The following RUNX2 variants were observed in gnomAD, a reference collection of about 807,000 sequenced individuals.
The protein encoded by RUNX2 is runt-related transcription factor 2.
In RUNX2, 10 loss-of-function variants were observed where a neutral mutation model predicts 51.7. The observed-to-expected ratio is 0.19, with a 90% confidence interval of 0.12 to 0.33. The LOEUF (loss-of-function observed/expected upper bound fraction) is 0.33. Among genes scored for constraint, RUNX2 ranks in the 10% least tolerant of loss-of-function variants. The pLI is 1.00. For synonymous variants in RUNX2, 276 were observed against 273.6 expected (o/e 1.01, Z -0.09); for missense variants, 562 against 691.3 (o/e 0.81, Z 2.10).
intron 5 of RUNX2, among the ~76,000 whole-genome samples, chr6:45,458,691 A>T (rs1457465384): frequency 6.6e-6 from 1 of 152,262 alleles, no homozygotes. Context: ...TCTTCCAGTT[A>T]GCTGAATGGA....
At chr6:45,415,109 A>G (rs1041280549) in intron 2 of RUNX2, among the ~76,000 whole-genome samples, 7 of 152,184 alleles carry the variant, frequency 4.6e-5, no homozygotes, top group Non-Finnish European at 8.8e-5. Context: ...GGAAACCACT[A>G]TGAATAGGCA....
At chr6:45,504,211 T>C (rs1800887819) in intron 6 of RUNX2, among the ~76,000 whole-genome samples, 1 of 152,160 alleles carries the variant, frequency 6.6e-6, no homozygotes, top group South Asian at 2.1e-4. Flanking sequence ...GGCGCTGCAT[T>C]GTCAGCTACC....
chr6:45,526,764 A>G (rs1272062954), intron 7 of RUNX2, among the ~76,000 whole-genome samples: 1 of 152,202 alleles, frequency 6.6e-6, no homozygotes, highest in Non-Finnish European at 1.5e-5. Context: ...GTCTAAATTC[A>G]GGCTTCTTTA....
intron 5 of RUNX2, among the ~76,000 whole-genome samples, chr6:45,447,115 C>A (rs1799023776): frequency 1.3e-5 from 2 of 152,178 alleles, no homozygotes; most frequent in Non-Finnish European, 2.9e-5. Context: ...GACATAGAAT[C>A]ATTTTTTGGG....
intron 5 of RUNX2, among the ~76,000 whole-genome samples, chr6:45,481,435 A>G (rs577078539): frequency 6.6e-6 from 1 of 152,376 alleles, no homozygotes; most frequent in Admixed American, 6.5e-5. Context: ...ATGTGTGAAC[A>G]TGTTACAGAA....
chr6:45,439,184 G>A (rs1429154080), intron 5 of RUNX2, among the ~76,000 whole-genome samples: 2 of 152,132 alleles, frequency 1.3e-5, no homozygotes, highest in East Asian at 3.9e-4. Flanking sequence ...CCTGAACTAG[G>A]GAGGTTTCCT....
intron 6 of RUNX2, among the ~76,000 whole-genome samples, chr6:45,506,669 T>C (rs1441102468): frequency 2.6e-5 from 4 of 152,222 alleles, no homozygotes. Context: ...GTTGTTGTTG[T>C]TGTTGAGACA....
intron 3 of RUNX2, among the ~76,000 whole-genome samples, chr6:45,429,284 G>C (rs1403776020): frequency 6.6e-6 from 1 of 152,046 alleles, no homozygotes; most frequent in African/African-American, 2.4e-5. Flanking sequence ...TGCTTACTGG[G>C]TCCATATTTA....
At chr6:45,379,947 C>A (rs936611664) in intron 2 of RUNX2, among the ~76,000 whole-genome samples, 1 of 151,910 alleles carries the variant, frequency 6.6e-6, no homozygotes, top group Non-Finnish European at 1.5e-5. Context: ...GGCATTGATA[C>A]AGGAAGTTTA....
chr6:45,488,276 C>G (rs1800343492), intron 5 of RUNX2, among the ~76,000 whole-genome samples: 1 of 152,130 alleles, frequency 6.6e-6, no homozygotes, highest in African/African-American at 2.4e-5. Flanking sequence ...GCTTAGGAAA[C>G]TGAGTGGCTA....
chr6:45,400,121 G>GGGAGGGAAGGAA (rs1797678141), intron 2 of RUNX2, among the ~76,000 whole-genome samples: 3 of 131,502 alleles, frequency 2.3e-5, no homozygotes, highest in South Asian at 2.7e-4. Context: ...GAAAGGAGGA[G>GGGAGGGAAGGAA]GGAGGGAAGG....
chr6:45,451,428 C>A (rs991779434), intron 5 of RUNX2, among the ~76,000 whole-genome samples: 1 of 152,200 alleles, frequency 6.6e-6, no homozygotes, highest in African/African-American at 2.4e-5. Flanking sequence ...CAATGAGAAG[C>A]AATCCCGAAG....
intron 2 of RUNX2, among the ~76,000 whole-genome samples, chr6:45,375,311 T>A (rs1796628762): frequency 6.6e-6 from 1 of 152,236 alleles, no homozygotes; most frequent in African/African-American, 2.4e-5. Flanking sequence ...TATGATGTGG[T>A]CCCAATTCGA....
At chr6:45,367,523 C>T (rs757542526) in intron 2 of RUNX2, among the ~76,000 whole-genome samples, 1 of 151,988 alleles carries the variant, frequency 6.6e-6, no homozygotes, top group African/African-American at 2.4e-5. Context: ...CCTAAATAGT[C>T]CTGCAGAATT....
intron 5 of RUNX2, among the ~76,000 whole-genome samples, chr6:45,466,485 G>A (rs1304372542): frequency 6.6e-6 from 1 of 152,176 alleles, no homozygotes; most frequent in Non-Finnish European, 1.5e-5. Flanking sequence ...CTGGAATCCA[G>A]CATCAACATC....
rs561859511 is a variant in RUNX2, at chr6:45,485,220, G to A, written c.686-6721G>A. Among the ~76,000 whole-genome samples, 15 of 146,866 alleles carry A rather than the reference G, an allele frequency of 1.0e-4. No homozygotes were observed. In the East Asian group the frequency reaches 2.6e-3, roughly 25 times the overall value. Reference sequence around the variant, plus strand: ...TTTTTTTTTTTTTCTTTTTTGAGACGGAGTTTTGCACTTGTTGCCCAGTTT... The same window carrying A: ...TTTTTTTTTTTTTCTTTTTTGAGACAGAGTTTTGCACTTGTTGCCCAGTTT... On this transcript the variant is annotated intron_variant, in intron 5 of 8. Transcript: ENST00000647337.
intron 3 of RUNX2, among the ~76,000 whole-genome samples, chr6:45,424,555 T>G (rs1414956910): frequency 1.3e-5 from 2 of 149,522 alleles, no homozygotes; most frequent in African/African-American, 2.5e-5. Flanking sequence ...AAAAAAAAGT[T>G]GGGGGAGGAA....
At chr6:45,540,421 A>G (rs915928888) in intron 7 of RUNX2, among the ~76,000 whole-genome samples, 16 of 152,098 alleles carry the variant, frequency 1.1e-4, no homozygotes, top group Admixed American at 4.6e-4. Flanking sequence ...TGCACCCTGC[A>G]TGCTCTGTCA....
chr6:45,352,002 T>G (rs572466236), intron 2 of RUNX2, among the ~76,000 whole-genome samples: 126 of 152,246 alleles, frequency 8.3e-4, no homozygotes, highest in Non-Finnish European at 1.5e-3. Flanking sequence ...TTTACCACTC[T>G]CTTCAAACTC....
Sources: gnomAD v4.1 joint callset for allele counts (sites outside exome capture counted in the v4.1 genomes callset) on GRCh38, gnomAD v4.1.1 for gene constraint, MANE v1.5 for transcripts, NCBI Gene and HGNC (gene_info 2026-07-23, HGNC 2026-07-21) for gene names.